Variants in EBF3 observed in about 807,000 individuals in gnomAD.
The protein encoded by EBF3 is transcription factor COE3.
A neutral mutation model predicts 77.1 loss-of-function variants in EBF3; 18 were observed. The observed-to-expected ratio is 0.23, with a 90% confidence interval of 0.16 to 0.35. The LOEUF (loss-of-function observed/expected upper bound fraction) is 0.35, where lower values mean the gene tolerates loss of function less well. EBF3 is among the 10% of genes least tolerant of loss of function. The pLI is 1.00. For missense variants in EBF3, 558 were observed against 860.0 expected, an observed-to-expected ratio of 0.65 and a Z score of 4.39; for synonymous variants, 350 against 343.5, an observed-to-expected ratio of 1.02 and a Z score of -0.21.
In EBF3 at chr10:129,905,712, G is replaced by C. The variant is rs979275746; in HGVS notation, c.555-27863C>G. On this transcript the variant is annotated intron_variant, in intron 6 of 16. Coordinates refer to ENST00000440978, the MANE Select transcript of EBF3 (RefSeq NM_001375380.1). Reference sequence around the variant, plus strand: ...GAGAACCGCAGCATCAGCCTCTCCAGGACGGTGGCGGGGAAGGGAAGGGCT... The same window carrying C: ...GAGAACCGCAGCATCAGCCTCTCCACGACGGTGGCGGGGAAGGGAAGGGCT... Among the ~76,000 whole-genome samples, 4 of 152,302 alleles carry C rather than the reference G, an allele frequency of 2.6e-5. No individual in the cohort carries two copies. The East Asian group carries it at 5.8e-4, about 22-fold the overall frequency.
intron 6 of EBF3, among the ~76,000 whole-genome samples, chr10:129,928,286 AAATT>A (rs1334031287): frequency 5.9e-5 from 9 of 152,188 alleles, no homozygotes; most frequent in African/African-American, 2.2e-4. Context: ...AAAAATATAA[AAATT>A]AATTATAAAC....
intron 6 of EBF3, among the ~76,000 whole-genome samples, chr10:129,896,503 G>A (rs944754733): frequency 6.6e-6 from 1 of 152,226 alleles, no homozygotes; most frequent in Non-Finnish European, 1.5e-5. Context: ...CGGGGCGGGG[G>A]CCGGCGTGGG....
intron 6 of EBF3, among the ~76,000 whole-genome samples, chr10:129,878,565 AG>A (rs1852953525): frequency 6.8e-6 from 1 of 147,262 alleles, no homozygotes. Context: ...GCTACTCGGG[AG>A]GCTGAGGCAG....
At position 129,867,767 on chromosome 10, in the gene EBF3, A is replaced by G; in HGVS notation, c.912+15T>C. The G allele has an allele frequency of 1.9e-6, 3 of 1,593,808 alleles. No individual in the cohort carries two copies. The highest frequency in any genetic ancestry group is 1.7e-4 in the Middle Eastern group (1 of 5,974). Reference sequence around the variant, plus strand: ...GACAGCAACAGCGCGAAGCTGACCGAGTCCGCGGGCTTACCTCGCTCCACA... The same window carrying G: ...GACAGCAACAGCGCGAAGCTGACCGGGTCCGCGGGCTTACCTCGCTCCACA... On this transcript the variant is annotated intron_variant, in intron 9 of 16. Transcript: ENST00000440978.
chr10:129,948,302 T>C (rs1858395947), intron 6 of EBF3, among the ~76,000 whole-genome samples: 1 of 143,394 alleles, frequency 7.0e-6, no homozygotes, highest in Non-Finnish European at 1.5e-5. Flanking sequence ...GCAGCTAGCC[T>C]GGAAAGACTA....
intron 6 of EBF3, among the ~76,000 whole-genome samples, chr10:129,907,261 T>TG (rs1275269613): frequency 6.6e-6 from 1 of 152,238 alleles, no homozygotes; most frequent in Non-Finnish European, 1.5e-5. Context: ...AGGGCGCCCC[T>TG]GTTTGCAGCT....
chr10:129,961,301 C>T (rs1228447136), intron 4 of EBF3, among the ~76,000 whole-genome samples: 1 of 152,082 alleles, frequency 6.6e-6, no homozygotes, highest in African/African-American at 2.4e-5. Flanking sequence ...CTGGACCTGC[C>T]CCCCTCCCCA....
intron 6 of EBF3, among the ~76,000 whole-genome samples, chr10:129,910,437 T>C (rs971879171): frequency 1.3e-5 from 2 of 152,156 alleles, no homozygotes; most frequent in African/African-American, 4.8e-5. Flanking sequence ...TATACCTGTA[T>C]ATATATTCAC....
At chr10:129,867,022 G>A (rs374547780) in intron 10 of EBF3, 119 bp downstream of exon 10, 1 of 1,368,840 alleles carries the variant, frequency 7.3e-7, no homozygotes, top group Non-Finnish European at 9.6e-7. Flanking sequence ...AGGGGGCTTT[G>A]TCTGTCTTTC....
chr10:129,958,835 G>A, intron 5 of EBF3, 99 bp downstream of exon 5: 7 of 1,422,766 alleles, frequency 4.9e-6, no homozygotes, highest in South Asian at 1.5e-5. Flanking sequence ...GCCCTTCCCG[G>A]AGCTGGGCGG....
chr10:129,898,380 C>A (rs1223868955), intron 6 of EBF3, among the ~76,000 whole-genome samples: 1 of 152,152 alleles, frequency 6.6e-6, no homozygotes, highest in Non-Finnish European at 1.5e-5. Flanking sequence ...AACAATCAGG[C>A]TTTCTTTGGG....
intron 6 of EBF3, among the ~76,000 whole-genome samples, chr10:129,920,067 G>A (rs112547405): frequency 6.6e-5 from 7 of 105,292 alleles, no homozygotes; most frequent in African/African-American, 1.1e-4. Flanking sequence ...CCCGCTGTGC[G>A]GTCTAGGGCG....
intron 6 of EBF3, among the ~76,000 whole-genome samples, chr10:129,939,864 T>C (rs886941197): frequency 1.3e-5 from 2 of 152,360 alleles, no homozygotes; most frequent in East Asian, 1.9e-4. Flanking sequence ...GCAAAATCTT[T>C]CTAGATACCA....
Position 129,840,916 on chromosome 10 carries a change from C to T in EBF3, c.1489G>A (p.Ala497Thr), listed in dbSNP as rs138447716. ...STSMNGYGSG[A>T]MASLGVPGSP... ...CCAGGGACCCCTAGACTGGCCATGG[C>T]GCCACTTCCATATCCATTCATGCTA... is the stretch of plus-strand genomic sequence containing the variant. Residue 497 changes from alanine (A) to threonine (T), a missense_variant, in exon 14 of 17, where the codon GCC becomes ACC. Around this residue, in one of 5 missense-constraint regions of EBF3, gnomAD observed 284 missense variants for 368.3 expected, o/e 0.77. Coordinates refer to ENST00000440978, the MANE Select transcript of EBF3 (RefSeq NM_001375380.1). 17 of 1,614,014 alleles carry T rather than the reference C, an allele frequency of 1.1e-5. No homozygotes were observed. Among genetic ancestry groups the T allele is most frequent in the East Asian group, 2.2e-5 (1 of 44,882 alleles).
chr10:129,890,295 T>TCCACA (rs1226895744), intron 6 of EBF3, among the ~76,000 whole-genome samples: 2 of 152,328 alleles, frequency 1.3e-5, no homozygotes, highest in East Asian at 3.9e-4. Context: ...CCCTGAACTG[T>TCCACA]GGCCTGGACT....
At position 129,848,247 on chromosome 10, in the gene EBF3, C is replaced by G; in HGVS notation, c.1128+145G>C. ...GCTGGTCAGGTGCGGGCCCGGGCAG[C>G]TCCTCACACCTGTCGGCCCTGTGGT... On this transcript the variant is annotated intron_variant, in intron 11 of 16. Coordinates refer to ENST00000440978, the MANE Select transcript of EBF3 (RefSeq NM_001375380.1). The surrounding 1 kb of genome is among the most constrained non-coding windows in gnomAD (Gnocchi z 4.4). 5 of 835,562 alleles carry G rather than the reference C, an allele frequency of 6.0e-6. No homozygotes were observed. In the South Asian group the frequency reaches 7.5e-5, roughly 13 times the overall value. 51.8% of individuals were successfully genotyped at this position (835,562 alleles called of 1,614,324 possible). A position where few individuals can be genotyped will look rare whatever the true frequency, so the allele number is the denominator to read the frequency against.
intron 6 of EBF3, among the ~76,000 whole-genome samples, chr10:129,895,810 A>G (rs1854331459): frequency 6.6e-6 from 1 of 152,206 alleles, no homozygotes; most frequent in Non-Finnish European, 1.5e-5. Flanking sequence ...CTCTGCACAT[A>G]TTAGTTAAAA....
intron 4 of EBF3, among the ~76,000 whole-genome samples, chr10:129,961,516 T>C (rs1026206685): frequency 1.3e-5 from 2 of 152,114 alleles, no homozygotes; most frequent in African/African-American, 4.8e-5. Context: ...TTAAATAATT[T>C]AATAAGGAAC....
In EBF3 at chr10:129,839,117, A is replaced by G; in HGVS notation, c.1838T>C (p.Phe613Ser). Residue 613 changes from phenylalanine to serine, a missense_variant, in exon 16 of 17, where the codon TTT (phenylalanine) becomes TCT (serine). Physicochemically the swap from Phe to Ser is radical, Grantham distance 155 (BLOSUM62 -2). Coordinates refer to ENST00000440978, the MANE Select transcript of EBF3 (RefSeq NM_001375380.1). ...PFCEVGGIFH[F>S]DELMLKKGTG... ...TCCTTTTTTGAGCATTAGTTCATCA[A>G]AGTGAAATATGCCACCGACTTCACA... 1 of 1,304,500 alleles carries G rather than the reference A, an allele frequency of 7.7e-7. No homozygotes were observed. Among genetic ancestry groups the G allele is most frequent in the Non-Finnish European group, 1.0e-6 (1 of 989,006 alleles). 80.8% of individuals were successfully genotyped at this position (1,304,500 alleles called of 1,614,324 possible).
Sources: allele counts gnomAD v4.1 joint callset (sites outside exome capture counted in the v4.1 genomes callset), GRCh38; gene constraint gnomAD v4.1.1; regional missense constraint gnomAD v4.1.1; non-coding constraint Gnocchi (gnomAD v3.1); transcripts MANE v1.5; gene names NCBI Gene and HGNC (gene_info 2026-07-23, HGNC 2026-07-21).